The following ARHGAP5 variants were observed in gnomAD, a reference collection of about 807,000 sequenced individuals.
ARHGAP5 encodes the protein rho GTPase-activating protein 5.
A neutral mutation model predicts 116.6 loss-of-function variants in ARHGAP5; 23 were observed. The observed-to-expected ratio is 0.20, with a 90% CI of 0.14 to 0.28. The LOEUF is 0.28. ARHGAP5 is among the 10% of genes least tolerant of loss of function. ARHGAP5 has a pLI of 1.00. For missense variants in ARHGAP5, 1,405 were observed against 1,774.8 expected (o/e 0.79, Z 3.74); for synonymous variants, 574 against 602.0 (o/e 0.95, Z 0.68).
At position 32,154,605 on chromosome 14, in the gene ARHGAP5, C is replaced by T. The variant is rs557064840; in HGVS notation, c.4182-16C>T. The T allele has an allele frequency of 1.4e-5, 22 of 1,550,630 alleles. No individual in the cohort carries two copies. The highest frequency in any genetic ancestry group is 1.7e-4 in the Middle Eastern group (1 of 5,766). On this transcript the variant is annotated splice_polypyrimidine_tract_variant and intron_variant, in intron 6 of 6. Transcript: ENST00000345122. ...GAGTTTTGATTTCTAAATGTTTTTT[C>T]CTTTCATAATTTCAGGGTTAGTCAG...
At chr14:32,098,227 A>G (rs1367824031) in intron 2 of ARHGAP5, among the ~76,000 whole-genome samples, 2 of 152,216 alleles carry the variant, frequency 1.3e-5, no homozygotes, top group East Asian at 3.9e-4. Context: ...TAAAACTTCA[A>G]GACAGTGTGT....
rs778785698 is a variant in ARHGAP5, at chr14:32,149,985, G to C, written c.4027G>C (p.Asp1343His). 6 of 1,609,158 alleles carry C rather than the reference G, an allele frequency of 3.7e-6. No homozygotes were observed. In the African/African-American group the frequency reaches 4.0e-5, roughly 11 times the overall value. Residue 1343 changes from aspartate to histidine, a missense_variant, in exon 5 of 7, where the codon GAT becomes CAT. Asp to His is a moderately conservative substitution (Grantham distance 81). Around this residue, in one of 6 missense-constraint regions of ARHGAP5, gnomAD observed 176 missense variants for 221.2 expected, o/e 0.80. Coordinates refer to ENST00000345122, the MANE Select transcript of ARHGAP5 (RefSeq NM_001030055.2). The stretch of plus-strand genomic sequence containing the variant: ...TAAAGCTTTCTTTGCAGATCTGCCA[G>C]ATCCTTTAATTCCATATTCTCTTCA... ...ALKAFFADLP[D>H]PLIPYSLHPE...
intron 3 of ARHGAP5, among the ~76,000 whole-genome samples, chr14:32,132,050 T>G (rs1880529451): frequency 6.6e-6 from 1 of 152,174 alleles, no homozygotes; most frequent in Admixed American, 6.6e-5. Flanking sequence ...AACATACAGG[T>G]GCATGTGTCT....
At position 32,093,676 on chromosome 14, in the gene ARHGAP5, A is replaced by G. The variant is rs61739181; in HGVS notation, c.3007A>G (p.Thr1003Ala). 97 of 1,614,010 alleles carry G rather than the reference A, an allele frequency of 6.0e-5. No individual in the cohort carries two copies. In the African/African-American group the frequency reaches 1.2e-3, roughly 21 times the overall value. Residue 1003 changes from threonine to alanine, a missense_variant, in exon 2 of 7, where the codon ACA (threonine) becomes GCA (alanine). By Grantham distance (58) the Thr-to-Ala change is moderately conservative. This residue lies in a region of ARHGAP5 where 944 missense variants were observed against 1,095.3 expected (regional missense o/e 0.86). Coordinates refer to ENST00000345122, the MANE Select transcript of ARHGAP5 (RefSeq NM_001030055.2). ...PIGDDVQLLP[T>A]PSDRSRYRLD... ...TGGGGATGATGTACAGTTGCTTCCA[A>G]CACCTAGTGACCGTTCCAGATATAG...
chr14:32,140,085 AGGTTATTTGTTC>A (rs1881027033), intron 3 of ARHGAP5, among the ~76,000 whole-genome samples: 5 of 31,552 alleles, frequency 1.6e-4, no homozygotes, highest in East Asian at 2.5e-3. Flanking sequence ...TTTTTTTTTT[AGGTTATTTGTTC>A]TTTTTTTTTT....
At position 32,120,353 on chromosome 14, in the gene ARHGAP5, A is replaced by G. The variant is rs1879821598; in HGVS notation, c.3865+3066A>G. Among the ~76,000 whole-genome samples, 3 of 151,936 alleles carry G rather than the reference A, an allele frequency of 2.0e-5. No individual in the cohort carries two copies. In the South Asian group the frequency reaches 6.2e-4, roughly 31 times the overall value. ...TTATCAATTTTATTGATCACTTCAA[A>G]GGACTAGCTTTTGCTTTTATTGATT... On this transcript the variant is annotated intron_variant, in intron 3 of 6. Coordinates refer to ENST00000345122, the MANE Select transcript of ARHGAP5 (RefSeq NM_001030055.2).
chr14:32,098,612 G>C (rs116561350), intron 2 of ARHGAP5, among the ~76,000 whole-genome samples: 2,784 of 152,292 alleles, frequency 0.018, 87 homozygotes, highest in African/African-American at 0.064. Context: ...GATAGTAAAT[G>C]TTTTAGGCTT....
rs545845262 is a variant in ARHGAP5, at chr14:32,092,644, T to G, written c.1975T>G (p.Phe659Val). Residue 659 changes from phenylalanine to valine, a missense_variant, in exon 2 of 7, where the codon TTC (phenylalanine) becomes GTC (valine). Around this residue, in one of 6 missense-constraint regions of ARHGAP5, gnomAD observed 944 missense variants for 1,095.3 expected, o/e 0.86. Transcript: ENST00000345122. This position sits in a 1 kb window ranked among gnomAD's most constrained non-coding sequence, Gnocchi z 4.1. ...TGCCGCCTTTAAACCACATGGGTGCTTCTGTGTATTTAATTCCATTGAGTC... is the reference window on the plus strand; with the variant it reads ...TGCCGCCTTTAAACCACATGGGTGCGTCTGTGTATTTAATTCCATTGAGTC... ...WTAAFKPHGC[F>V]CVFNSIESLS... The G allele has an allele frequency of 6.2e-7, 1 of 1,614,030 alleles. No homozygotes were observed. The highest frequency in any genetic ancestry group is 8.5e-7 in the Non-Finnish European group (1 of 1,179,904).
rs1389686772 is a variant in ARHGAP5 at position 32,090,988 on chromosome 14, C to T, written c.319C>T (p.His107Tyr). 1 of 1,613,530 alleles carries T rather than the reference C, an allele frequency of 6.2e-7. No homozygotes were observed. The highest frequency in any genetic ancestry group is 8.5e-7 in the Non-Finnish European group (1 of 1,179,678). The change falls in exon 2 of 7, where the codon CAT (histidine) becomes TAT (tyrosine). Residue 107 changes from histidine to tyrosine, a missense_variant. Transcript: ENST00000345122. Reference sequence around the variant, plus strand: ...CATTGATGACCAGACTTTCTTGCCTCATCGGAGTACGAATTTGCAACCATA... The same window carrying T: ...CATTGATGACCAGACTTTCTTGCCTTATCGGAGTACGAATTTGCAACCATA... ...EFIDDQTFLP[H>Y]RSTNLQPYIK...
At chr14:32,105,660 C>A (rs1405384301) in intron 2 of ARHGAP5, among the ~76,000 whole-genome samples, 2 of 152,042 alleles carry the variant, frequency 1.3e-5, no homozygotes, top group Non-Finnish European at 2.9e-5. Flanking sequence ...ATATTTTGTT[C>A]TTTGCAGTTT....
In ARHGAP5 at chr14:32,140,692, C is replaced by G. The variant is rs1489763838; in HGVS notation, c.3866-5571C>G. Among the ~76,000 whole-genome samples the G allele has an allele frequency of 2.0e-5, 3 of 152,206 alleles. No homozygotes were observed. The South Asian group carries it at 6.2e-4, about 31-fold the overall frequency. On this transcript the variant is annotated intron_variant, in intron 3 of 6. Coordinates refer to ENST00000345122, the MANE Select transcript of ARHGAP5 (RefSeq NM_001030055.2). ...CCCTTGTGATCAGAGAACATACTCT[C>G]TATTATTTCATGCCTTTAAAATTTA... is the stretch of plus-strand genomic sequence containing the variant.
At chr14:32,145,300 T>A (rs1056353877) in intron 3 of ARHGAP5, among the ~76,000 whole-genome samples, 2 of 152,194 alleles carry the variant, frequency 1.3e-5, no homozygotes, top group Admixed American at 6.5e-5. Flanking sequence ...TTGGCAGCAG[T>A]AGAAGTCTAG....
At chr14:32,138,169 A>T (rs551588687) in intron 3 of ARHGAP5, among the ~76,000 whole-genome samples, 29 of 152,042 alleles carry the variant, frequency 1.9e-4, no homozygotes, top group Middle Eastern at 3.4e-3. Flanking sequence ...TCTTGATTTC[A>T]TCTTCAGATT....
intron 2 of ARHGAP5, among the ~76,000 whole-genome samples, chr14:32,113,369 A>G (rs1594363898): frequency 6.6e-6 from 1 of 152,358 alleles, no homozygotes; most frequent in South Asian, 2.1e-4. Flanking sequence ...AAAAATTAGA[A>G]GTCACATAGG....
chr14:32,087,467 A>G (rs1172632314), intron 1 of ARHGAP5, among the ~76,000 whole-genome samples: 1 of 144,232 alleles, frequency 6.9e-6, no homozygotes, highest in East Asian at 2.0e-4. Context: ...TTCTCAAACT[A>G]TTCCCCCGCC....
Position 32,092,786 on chromosome 14 carries a change from C to G in ARHGAP5, c.2117C>G (p.Ser706Cys), listed in dbSNP as rs780293390. Residue 706 changes from serine (S) to cysteine (C), a missense_variant, in exon 2 of 7, where the codon TCC becomes TGC. Physicochemically the swap from Ser to Cys is moderately radical, Grantham distance 112 (BLOSUM62 -1). Around this residue, in one of 6 missense-constraint regions of ARHGAP5, gnomAD observed 944 missense variants for 1,095.3 expected, o/e 0.86. Coordinates refer to ENST00000345122, the MANE Select transcript of ARHGAP5 (RefSeq NM_001030055.2). The surrounding 1 kb of genome is among the most constrained non-coding windows in gnomAD (Gnocchi z 4.1). ...FTLILANQRDSISKNLPILRH... is the reference protein window; with the variant it reads ...FTLILANQRDCISKNLPILRH... ...TTAATTCTGGCTAATCAGAGAGATT[C>G]CATTAGTAAGAATCTACCAATTCTC... 6.2e-7 allele frequency: 1 copy of G among 1,613,808 alleles called. No individual in the cohort carries two copies. The highest frequency in any genetic ancestry group is 1.7e-5 in the Admixed American group (1 of 59,964).
At chr14:32,133,473 G>C (rs978141252) in intron 3 of ARHGAP5, among the ~76,000 whole-genome samples, 1 of 152,196 alleles carries the variant, frequency 6.6e-6, no homozygotes, top group Non-Finnish European at 1.5e-5. Context: ...AGCTTGAGGA[G>C]ATTTTGGGCT....
At chr14:32,136,896 G>T (rs914513369) in intron 3 of ARHGAP5, among the ~76,000 whole-genome samples, 2 of 151,836 alleles carry the variant, frequency 1.3e-5, no homozygotes, top group Non-Finnish European at 2.9e-5. Context: ...CTTCTTTGGA[G>T]AAATTTTTTT....
In ARHGAP5 at chr14:32,093,037, T is replaced by G; in HGVS notation, c.2368T>G (p.Phe790Val). The G allele has an allele frequency of 6.2e-7, 1 of 1,614,048 alleles. No homozygotes were observed. Among genetic ancestry groups the G allele is most frequent in the South Asian group, 1.1e-5 (1 of 91,074 alleles). The change falls in exon 2 of 7, where the codon TTT becomes GTT. Residue 790 changes from phenylalanine to valine, a missense_variant. By Grantham distance (50) the Phe-to-Val change is conservative. This residue lies in a region of ARHGAP5 where 944 missense variants were observed against 1,095.3 expected (regional missense o/e 0.86). Coordinates refer to ENST00000345122, the MANE Select transcript of ARHGAP5 (RefSeq NM_001030055.2). Reference sequence around the variant, plus strand: ...CATGTGCGCCATGTGTGGAGATCCATTTAGTGTGGATCTTATTCTTTCACC... The same window carrying G: ...CATGTGCGCCATGTGTGGAGATCCAGTTAGTGTGGATCTTATTCTTTCACC... ...IVMCAMCGDP[F>V]SVDLILSPFL...
Sources: allele counts gnomAD v4.1 joint callset (sites outside exome capture counted in the v4.1 genomes callset), GRCh38; gene constraint gnomAD v4.1.1; regional missense constraint gnomAD v4.1.1; non-coding constraint Gnocchi (gnomAD v3.1); transcripts MANE v1.5; gene names NCBI Gene and HGNC (gene_info 2026-07-23, HGNC 2026-07-21).